KMT2C: variants seen among roughly 807,000 people sequenced by gnomAD.
KMT2C encodes lysine methyltransferase 2C, also known as histone-lysine N-methyltransferase 2C.
Under a neutral mutation model 507.9 loss-of-function variants are expected in KMT2C, and 88 were observed. The observed-to-expected ratio is 0.17, with a 90% CI of 0.15 to 0.21. The LOEUF (loss-of-function observed/expected upper bound fraction) is 0.21, where lower values mean the gene tolerates loss of function less well. Ranked by LOEUF, KMT2C falls within the 10% of genes least tolerant of loss-of-function variation. KMT2C has a pLI of 1.00. For synonymous variants in KMT2C, 2,049 were observed against 2,080.8 expected (o/e 0.98, Z 0.42); for missense variants, 4,954 against 5,957.8 (o/e 0.83, Z 5.55).
In KMT2C at chr7:152,180,933, C is replaced by T. The variant is rs2093414766; in HGVS notation, c.6927G>A (p.Gln2309=). 2 of 1,614,022 alleles carry T rather than the reference C, an allele frequency of 1.2e-6. No individual in the cohort carries two copies. Among genetic ancestry groups the T allele is most frequent in the South Asian group, 2.2e-5 (2 of 91,088 alleles). Residue 2309 remains glutamine (Q), a synonymous_variant, in exon 36 of 59, where the codon CAG becomes CAA. Coordinates refer to ENST00000262189, the MANE Select transcript of KMT2C (RefSeq NM_170606.3). ...YDQSPMTPRS[Q]SDSFGTSQTA... is the part of the protein sequence containing the mutation. The stretch of plus-strand genomic sequence containing the variant: ...TTTGACTTGTTCCAAAAGAGTCAGA[C>T]TGAGATCTTGGAGTCATTGGAGACT...
chr7:152,294,500 G>A (rs185760321), intron 6 of KMT2C, among the ~76,000 whole-genome samples: 1 of 152,176 alleles, frequency 6.6e-6, no homozygotes, highest in African/African-American at 2.4e-5. Flanking sequence ...ATGGTGACAT[G>A]TACCTGTAGT....
At chr7:152,375,855 CT>C (rs2097325271) in intron 1 of KMT2C, among the ~76,000 whole-genome samples, 1 of 152,076 alleles carries the variant, frequency 6.6e-6, no homozygotes, top group Non-Finnish European at 1.5e-5. Flanking sequence ...GAGAAAGGGT[CT>C]TGTTCTGTCA....
At chr7:152,366,488 G>A (rs971745271) in intron 1 of KMT2C, among the ~76,000 whole-genome samples, 9 of 151,888 alleles carry the variant, frequency 5.9e-5, no homozygotes, top group African/African-American at 2.2e-4. Flanking sequence ...AATTAAACCA[G>A]TCACAAAGAA....
intron 3 of KMT2C, among the ~76,000 whole-genome samples, chr7:152,326,007 T>C (rs111250506): frequency 6.6e-6 from 1 of 152,050 alleles, no homozygotes; most frequent in Non-Finnish European, 1.5e-5. Flanking sequence ...TTGTTATAAA[T>C]AACCTGTCCA....
At chr7:152,222,149 T>C in intron 21 of KMT2C, 83 bp from the exon 22 acceptor site, 2 of 890,906 alleles carry the variant, frequency 2.2e-6, no homozygotes, top group South Asian at 3.9e-5. Flanking sequence ...TTATAATTTC[T>C]GTTTCTATAC....
chr7:152,281,420 A>T (rs13233980), intron 6 of KMT2C, among the ~76,000 whole-genome samples: 6,662 of 152,222 alleles, frequency 0.044, 224 homozygotes, highest in South Asian at 0.089. Flanking sequence ...TAAGCCAAGT[A>T]CTTTATAAGA....
chr7:152,270,714 G>A (rs1408104238), intron 7 of KMT2C, among the ~76,000 whole-genome samples: 1 of 152,054 alleles, frequency 6.6e-6, no homozygotes, highest in African/African-American at 2.4e-5. Flanking sequence ...AGTATATCTG[G>A]TTGTATCTAC....
intron 11 of KMT2C, 114 bp from the exon 12 acceptor site, chr7:152,251,080 A>C: frequency 3.2e-6 from 2 of 619,162 alleles, no homozygotes; most frequent in Non-Finnish European, 5.7e-6. Context: ...AAATGCTTTA[A>C]GTTTTTCTTC....
At chr7:152,139,010 G>T in intron 57 of KMT2C, 106 bp from the exon 58 acceptor site, 1 of 1,044,048 alleles carries the variant, frequency 9.6e-7, no homozygotes, top group Non-Finnish European at 1.5e-6. Context: ...ATTTCTATTT[G>T]CCCATTGTTA....
chr7:152,400,065 T>C (rs1186948281), intron 1 of KMT2C, among the ~76,000 whole-genome samples: 3 of 152,058 alleles, frequency 2.0e-5, no homozygotes, highest in African/African-American at 7.2e-5. Context: ...TCCCAGCACT[T>C]TGGGAGGCCG....
intron 1 of KMT2C, among the ~76,000 whole-genome samples, chr7:152,420,159 T>G (rs1372827059): frequency 6.6e-6 from 1 of 152,234 alleles, no homozygotes; most frequent in Non-Finnish European, 1.5e-5. Context: ...CCTAACATCC[T>G]CCTTGGGTGA....
At chr7:152,373,658 C>A (rs2097307343) in intron 1 of KMT2C, among the ~76,000 whole-genome samples, 1 of 152,116 alleles carries the variant, frequency 6.6e-6, no homozygotes, top group Non-Finnish European at 1.5e-5. Flanking sequence ...ACAAGTTTAT[C>A]AACTGAAATG....
chr7:152,258,050 A>C (rs746483826), intron 9 of KMT2C, among the ~76,000 whole-genome samples: 12 of 152,292 alleles, frequency 7.9e-5, no homozygotes, highest in South Asian at 2.1e-4. Flanking sequence ...AAGGATGAAG[A>C]AGCAAACACC....
chr7:152,208,731 C>A (rs534801447), intron 23 of KMT2C, among the ~76,000 whole-genome samples: 1 of 152,258 alleles, frequency 6.6e-6, no homozygotes, highest in African/African-American at 2.4e-5. Context: ...CTTCAATATT[C>A]TCAGTATTAG....
chr7:152,246,510 T>C (rs529460143), intron 14 of KMT2C, among the ~76,000 whole-genome samples: 17 of 152,194 alleles, frequency 1.1e-4, no homozygotes, highest in Admixed American at 6.5e-4. Flanking sequence ...GGTTTCTCAA[T>C]TGAAACAAAA....
intron 1 of KMT2C, among the ~76,000 whole-genome samples, chr7:152,379,742 G>C (rs1448675047): frequency 6.6e-6 from 1 of 152,016 alleles, no homozygotes; most frequent in Non-Finnish European, 1.5e-5. Flanking sequence ...AAAAGACAAG[G>C]ACAAAGACAT....
chr7:152,365,460 C>T (rs573992766), intron 1 of KMT2C, among the ~76,000 whole-genome samples: 3 of 152,306 alleles, frequency 2.0e-5, no homozygotes, highest in African/African-American at 7.2e-5. Context: ...GAGCAGAAAT[C>T]GCACCGCTGC....
At chr7:152,141,765 T>TC (rs912755090) in intron 55 of KMT2C, among the ~76,000 whole-genome samples, 51 of 149,080 alleles carry the variant, frequency 3.4e-4, no homozygotes, top group African/African-American at 1.2e-3. Context: ...ATGCCTGTAA[T>TC]CCCAGCACTT....
intron 6 of KMT2C, among the ~76,000 whole-genome samples, chr7:152,279,487 G>A (rs1388365353): frequency 6.6e-6 from 1 of 152,214 alleles, no homozygotes; most frequent in Non-Finnish European, 1.5e-5. Flanking sequence ...TGCTGTTAAT[G>A]AGATCCGAGG....
Sources: allele counts gnomAD v4.1 joint callset (sites outside exome capture counted in the v4.1 genomes callset), GRCh38; gene constraint gnomAD v4.1.1; transcripts MANE v1.5; gene names NCBI Gene and HGNC (gene_info 2026-07-23, HGNC 2026-07-21).